The following DNAJB1 variants were observed in gnomAD, a reference collection of about 807,000 sequenced individuals.
DNAJB1 encodes the protein dnaJ homolog subfamily B member 1.
DNAJB1 carries 14 observed loss-of-function variants against 24.0 expected under a neutral mutation model. That is an observed-to-expected ratio of 0.58 (90% CI 0.39 to 0.91). The LOEUF (loss-of-function observed/expected upper bound fraction) is 0.91, where lower values mean the gene tolerates loss of function less well. DNAJB1 is among the 40% of genes least tolerant of loss of function. DNAJB1 has a pLI of 0.00. For synonymous variants in DNAJB1, 262 were observed against 174.4 expected, an observed-to-expected ratio of 1.50 and a Z score of -3.96; for missense variants, 517 against 458.1, an observed-to-expected ratio of 1.13 and a Z score of -1.17.
intron 1 of DNAJB1, among the ~76,000 whole-genome samples, chr19:14,559,855 C>G (rs903410516): frequency 6.6e-6 from 1 of 152,166 alleles, no homozygotes; most frequent in Non-Finnish European, 1.5e-5. Context: ...CCTGCTCCCC[C>G]CAGAGCCTTT....
intron 1 of DNAJB1, among the ~76,000 whole-genome samples, chr19:14,537,272 A>G (rs934087812): frequency 4.4e-4 from 2 of 4,570 alleles, no homozygotes; most frequent in East Asian, 7.8e-3. Flanking sequence ...GGGACCAGGG[A>G]GGGGGAGGCG....
chr19:14,537,993 A>G (rs1389032910), intron 1 of DNAJB1, among the ~76,000 whole-genome samples: 1 of 152,078 alleles, frequency 6.6e-6, no homozygotes, highest in African/African-American at 2.4e-5. Context: ...TGATCCGCCC[A>G]ACTTGGCCTC....
upstream of DNAJB1, among the ~76,000 whole-genome samples, chr19:14,550,960 C>T (rs1270691265): frequency 6.6e-6 from 1 of 151,930 alleles, no homozygotes; most frequent in Non-Finnish European, 1.5e-5. Context: ...GCATGAACTA[C>T]CACACCCGGC....
At chr19:14,545,087 G>A (rs1165032441) in intron 1 of DNAJB1, 2 of 456,616 alleles carry the variant, frequency 4.4e-6, no homozygotes, top group Admixed American at 4.7e-5. Context: ...AGCCACATTT[G>A]CTCCCTTACT....
chr19:14,529,441 T>C, upstream of DNAJB1: 2 of 624,948 alleles, frequency 3.2e-6, no homozygotes, highest in Non-Finnish European at 5.8e-6. Flanking sequence ...CCCCTTCGAT[T>C]GGTCTCGCAA....
chr19:14,550,033 C>T (rs1345927948), intron 1 of DNAJB1, among the ~76,000 whole-genome samples: 2 of 151,988 alleles, frequency 1.3e-5, no homozygotes, highest in South Asian at 2.1e-4. Context: ...TTCCATGTCG[C>T]ACGTCACCTT....
intron 2 of DNAJB1, among the ~76,000 whole-genome samples, chr19:14,526,228 T>A (rs966958594): frequency 7.9e-5 from 12 of 152,158 alleles, no homozygotes; most frequent in East Asian, 1.9e-4. Flanking sequence ...TACCATCAGC[T>A]CAACAACGAC....
intron 2 of DNAJB1, among the ~76,000 whole-genome samples, chr19:14,525,979 C>T (rs2072417855): frequency 6.6e-6 from 1 of 152,146 alleles, no homozygotes; most frequent in Non-Finnish European, 1.5e-5. Flanking sequence ...TCATACACAA[C>T]CCAAACCAGC....
Position 14,518,331 on chromosome 19 carries a change from G to C in DNAJB1, c.19C>G (p.Gln7Glu). The C allele has an allele frequency of 6.3e-7, 1 of 1,593,226 alleles. No individual in the cohort carries two copies. Residue 7 changes from glutamine to glutamate, a missense_variant, in exon 1 of 3, where the codon CAG becomes GAG. Gln to Glu is a conservative substitution (Grantham distance 29). Transcript: ENST00000254322. MGKDYYQTLGLARGASD... is the reference protein window; with the variant it reads MGKDYYETLGLARGASD... ...GCGCCGCGGGCCAGGCCCAACGTCT[G>C]GTAGTAGTCTTTACCCATGACCCCC...
Position 14,543,417 on chromosome 19 carries a change from ATATTTTTTTTTTTTTTTTTTTTTTTTT to A in DNAJB1, c.-214+6764_-214+6790del, listed in dbSNP as rs1465756711. 5.0e-4 allele frequency among the ~76,000 whole-genome samples: 5 copies of A among 9,996 alleles called. 1 individual carries two copies. The highest frequency in any genetic ancestry group is 9.9e-4 in the Non-Finnish European group (5 of 5,060). The allele number at this position is 9,996 out of a possible 152,430, so 6.6% of individuals were successfully genotyped here. On this transcript the variant is annotated intron_variant, in intron 1 of 3. Transcript: ENST00000676982. ...TATATATATATATATATATATATAT[ATATTTTTTTTTTTTTTTTTTTTTTTTT>A]TTTTTTTTTTTTGAGACGGAGTCTC...
At chr19:14,556,413 A>AC (rs1555735955) in intron 1 of DNAJB1, among the ~76,000 whole-genome samples, 2 of 86,514 alleles carry the variant, frequency 2.3e-5, no homozygotes, top group African/African-American at 3.1e-5. Context: ...TCTCTCAAAA[A>AC]AAAAACAAAA....
intron 1 of DNAJB1, among the ~76,000 whole-genome samples, chr19:14,543,408 TATATATATATA>T (rs1168055415): frequency 0.022 from 223 of 10,300 alleles, 2 homozygotes; most frequent in South Asian, 0.073. Context: ...TATATATATA[TATATATATATA>T]TTTTTTTTTT....
At chr19:14,535,498 C>T (rs1410755771) in intron 1 of DNAJB1, among the ~76,000 whole-genome samples, 19 of 81,268 alleles carry the variant, frequency 2.3e-4, no homozygotes, top group Non-Finnish European at 3.2e-4. Context: ...CAGAGCGAGA[C>T]TCCGTCTCAA....
intron 1 of DNAJB1, among the ~76,000 whole-genome samples, chr19:14,556,057 C>G (rs1432483942): frequency 6.6e-6 from 1 of 152,200 alleles, no homozygotes; most frequent in African/African-American, 2.4e-5. Flanking sequence ...CCACTTCACT[C>G]AGAGTAAAAG....
chr19:14,547,693 C>G (rs1241079136), intron 1 of DNAJB1, among the ~76,000 whole-genome samples: 2 of 144,864 alleles, frequency 1.4e-5, no homozygotes, highest in African/African-American at 5.2e-5. Context: ...GGGTCTCATT[C>G]TGTCACCCAG....
intron 1 of DNAJB1, among the ~76,000 whole-genome samples, chr19:14,558,612 GC>G (rs769758031): frequency 6.6e-6 from 1 of 152,174 alleles, no homozygotes; most frequent in Non-Finnish European, 1.5e-5. Context: ...CAGAGTGCCT[GC>G]CTGTCTGCCC....
intron 2 of DNAJB1, 76 bp downstream of exon 2, chr19:14,516,390 T>C (rs2072262264): frequency 3.4e-6 from 5 of 1,489,032 alleles, no homozygotes; most frequent in South Asian, 2.5e-5. Context: ...CCCCAACACA[T>C]TGGTTCAGCA....
chr19:14,516,378 C>T, intron 2 of DNAJB1, 88 bp downstream of exon 2: 1 of 1,440,822 alleles, frequency 6.9e-7, no homozygotes, highest in Non-Finnish European at 9.5e-7. Flanking sequence ...ACGCACCACA[C>T]ACCCCAACAC....
chr19:14,559,488 T>C (rs1206163488), intron 1 of DNAJB1, among the ~76,000 whole-genome samples: 1 of 152,138 alleles, frequency 6.6e-6, no homozygotes, highest in Non-Finnish European at 1.5e-5. Context: ...TTAACTTTCT[T>C]ACTTAGAAAT....
Sources: allele counts gnomAD v4.1 joint callset (sites outside exome capture counted in the v4.1 genomes callset), GRCh38; gene constraint gnomAD v4.1.1; transcripts MANE v1.5; gene names NCBI Gene and HGNC (gene_info 2026-07-23, HGNC 2026-07-21).